Variants in GALNT17 observed in about 807,000 individuals in gnomAD.
The protein encoded by GALNT17 is polypeptide N-acetylgalactosaminyltransferase 17, also known as UDP-GalNAc:polypeptide N-acetylgalactosaminyltransferase-like 3.
In GALNT17, 29 loss-of-function variants were observed where a neutral mutation model predicts 63.7. That is an observed-to-expected ratio of 0.46 (90% confidence interval 0.34 to 0.62). The LOEUF (loss-of-function observed/expected upper bound fraction) is 0.62. GALNT17 is among the 20% of genes least tolerant of loss of function. The probability of loss-of-function intolerance (pLI) is 0.01; values close to 1 mark genes in which losing one functional copy is unlikely to be tolerated. For synonymous variants in GALNT17, 305 were observed against 318.3 expected, an observed-to-expected ratio of 0.96 and a Z score of 0.45; for missense variants, 603 against 799.6, an observed-to-expected ratio of 0.75 and a Z score of 2.97.
At chr7:71,289,538 C>A (rs1583832250) in intron 1 of GALNT17, among the ~76,000 whole-genome samples, 1 of 151,770 alleles carries the variant, frequency 6.6e-6, no homozygotes, top group Non-Finnish European at 1.5e-5. Flanking sequence ...GAGTTTGAGA[C>A]CAGCCTGGCC....
chr7:71,441,248 C>G (rs1427164864), intron 5 of GALNT17, among the ~76,000 whole-genome samples: 2 of 152,120 alleles, frequency 1.3e-5, no homozygotes, highest in Non-Finnish European at 2.9e-5. Flanking sequence ...ATCTCTATCT[C>G]TTGACCTCGT....
At chr7:71,658,487 T>C (rs1790861595) in intron 6 of GALNT17, among the ~76,000 whole-genome samples, 1 of 152,198 alleles carries the variant, frequency 6.6e-6, no homozygotes, top group South Asian at 2.1e-4. Context: ...GGGCAGGCTT[T>C]TTGCCCCAAT....
intron 5 of GALNT17, among the ~76,000 whole-genome samples, chr7:71,553,535 A>G (rs900250016): frequency 6.6e-6 from 1 of 152,168 alleles, no homozygotes; most frequent in East Asian, 1.9e-4. Flanking sequence ...GTTGTTTTTC[A>G]TATTGAATCC....
intron 3 of GALNT17, among the ~76,000 whole-genome samples, chr7:71,395,313 T>G (rs969946106): frequency 6.6e-6 from 1 of 152,206 alleles, no homozygotes; most frequent in South Asian, 2.1e-4. Flanking sequence ...TTCTGGACAT[T>G]TGATAATAAA....
intron 5 of GALNT17, among the ~76,000 whole-genome samples, chr7:71,452,050 A>G (rs542168205): frequency 6.6e-6 from 1 of 152,248 alleles, no homozygotes; most frequent in South Asian, 2.1e-4. Context: ...ACTCTACAAA[A>G]AATGAAATGA....
chr7:71,588,627 C>T (rs1423205231), intron 6 of GALNT17, among the ~76,000 whole-genome samples: 1 of 152,008 alleles, frequency 6.6e-6, no homozygotes, highest in African/African-American at 2.4e-5. Flanking sequence ...ATGCACCAAA[C>T]ACTCTGCTTT....
intron 1 of GALNT17, among the ~76,000 whole-genome samples, chr7:71,263,740 G>C (rs548602253): frequency 6.6e-6 from 1 of 151,934 alleles, no homozygotes; most frequent in Non-Finnish European, 1.5e-5. Flanking sequence ...TGGCTAACAC[G>C]GTGAAACCCC....
chr7:71,616,464 C>A (rs1787806687), intron 6 of GALNT17, among the ~76,000 whole-genome samples: 1 of 146,892 alleles, frequency 6.8e-6, no homozygotes, highest in Admixed American at 6.8e-5. Flanking sequence ...TAGTAAATAT[C>A]ATTAATTATA....
intron 9 of GALNT17, among the ~76,000 whole-genome samples, chr7:71,699,505 A>G (rs184813568): frequency 1.7e-3 from 259 of 152,080 alleles, no homozygotes; most frequent in Admixed American, 3.8e-3. Flanking sequence ...AAAACAAAAA[A>G]AAAACCCTCA....
chr7:71,410,691 G>T (rs956611144), intron 3 of GALNT17, among the ~76,000 whole-genome samples: 2 of 152,210 alleles, frequency 1.3e-5, no homozygotes, highest in African/African-American at 4.8e-5. Flanking sequence ...ACAGAATTCT[G>T]TAATGTTCTT....
At chr7:71,453,197 C>T (rs937080652) in intron 5 of GALNT17, among the ~76,000 whole-genome samples, 1 of 152,114 alleles carries the variant, frequency 6.6e-6, no homozygotes, top group African/African-American at 2.4e-5. Flanking sequence ...GAGTGCTAAC[C>T]AGATTTCATT....
At chr7:71,376,500 T>C (rs1359764202) in intron 2 of GALNT17, among the ~76,000 whole-genome samples, 1 of 147,134 alleles carries the variant, frequency 6.8e-6, no homozygotes, top group Non-Finnish European at 1.5e-5. Context: ...CTCAGATTCA[T>C]TTACTGAACT....
intron 2 of GALNT17, among the ~76,000 whole-genome samples, chr7:71,357,925 A>G (rs1354922067): frequency 6.6e-6 from 1 of 152,218 alleles, no homozygotes; most frequent in East Asian, 1.9e-4. Context: ...AAAGTAGCCA[A>G]TCGCAGGGAG....
chr7:71,363,895 A>G (rs1792452783), intron 2 of GALNT17, among the ~76,000 whole-genome samples: 1 of 152,210 alleles, frequency 6.6e-6, no homozygotes, highest in Non-Finnish European at 1.5e-5. Context: ...AGTGATTGGC[A>G]CAAGAATAGG....
In GALNT17 at chr7:71,156,616, T is replaced by TCCTTCCTTCCTTCCTC. The variant is rs1419449706; in HGVS notation, c.238+23579_238+23580insTCCTTCCTTCCTCCCT. On this transcript the variant is annotated intron_variant, in intron 1 of 10. Transcript: ENST00000333538. ...TTCCTTCCTTCCTTCCTTCCTTCCT[T>TCCTTCCTTCCTTCCTC]CCTCCATTCTTTGCCTTCCTTCCCT... Among the ~76,000 whole-genome samples, 17 of 143,768 alleles carry TCCTTCCTTCCTTCCTC rather than the reference T, an allele frequency of 1.2e-4. 1 individual carries two copies. Among genetic ancestry groups the TCCTTCCTTCCTTCCTC allele is most frequent in the African/African-American group, 4.4e-4 (17 of 38,776 alleles). The allele number at this position is 143,768 out of a possible 152,430, so 94.3% of individuals were successfully genotyped here.
chr7:71,291,675 G>A (rs1882570), intron 1 of GALNT17, among the ~76,000 whole-genome samples: 151,450 of 152,304 alleles, frequency 0.99, 75,304 homozygotes, highest in East Asian at 1. Flanking sequence ...AATGTTATGC[G>A]TACCTTATAT....
intron 5 of GALNT17, among the ~76,000 whole-genome samples, chr7:71,458,295 C>G (rs573048234): frequency 4.1e-4 from 63 of 152,270 alleles, no homozygotes; most frequent in African/African-American, 1.5e-3. Context: ...TCTCACCCCC[C>G]TTGCAGGATG....
chr7:71,315,296 T>C (rs1791481145), intron 1 of GALNT17, among the ~76,000 whole-genome samples: 1 of 152,240 alleles, frequency 6.6e-6, no homozygotes, highest in Non-Finnish European at 1.5e-5. Flanking sequence ...TGGGTTGTTT[T>C]GACTTTTTGG....
intron 9 of GALNT17, among the ~76,000 whole-genome samples, chr7:71,690,134 C>T (rs1791420260): frequency 6.6e-6 from 1 of 151,698 alleles, no homozygotes; most frequent in Non-Finnish European, 1.5e-5. Context: ...AGGCGAGTCT[C>T]CCGCCTCAGC....
Sources: gnomAD v4.1 joint callset for allele counts (sites outside exome capture counted in the v4.1 genomes callset) on GRCh38, gnomAD v4.1.1 for gene constraint, MANE v1.5 for transcripts, NCBI Gene and HGNC (gene_info 2026-07-23, HGNC 2026-07-21) for gene names.